Variants in KLF8 observed in about 807,000 individuals in gnomAD.
The protein encoded by KLF8 is KLF transcription factor 8.
Under a neutral mutation model 18.2 loss-of-function variants are expected in KLF8, and 10 were observed. The ratio of observed to expected loss-of-function variants is 0.55; its 90% confidence interval spans 0.34 to 0.93. KLF8 has a LOEUF of 0.93. Among genes scored for constraint, KLF8 ranks in the 40% least tolerant of loss-of-function variants. KLF8 has a pLI of 0.02. For missense variants in KLF8, 264 were observed against 277.9 expected (o/e 0.95, Z 0.36); for synonymous variants, 109 against 97.3 (o/e 1.12, Z -0.71).
chrX:56,198,927 A>G, the KLF8 span, among the ~76,000 whole-genome samples: 4 of 111,771 alleles, frequency 3.6e-5, 1 homozygote, highest in Admixed American at 3.8e-4. Context: ...GGCCTCAGAA[A>G]TAACACCACA....
the KLF8 span, among the ~76,000 whole-genome samples, chrX:56,199,239 G>A: frequency 1.8e-5 from 2 of 111,790 alleles, no homozygotes; most frequent in African/African-American, 3.3e-5. Context: ...ATAGACAAAT[G>A]GGATCTAATT....
the KLF8 span, among the ~76,000 whole-genome samples, chrX:56,085,207 G>A: frequency 2.7e-5 from 3 of 111,251 alleles, no homozygotes; most frequent in African/African-American, 9.8e-5. Flanking sequence ...CTCATCACTA[G>A]ATATGTTAAT....
At chrX:56,018,575 C>A in the KLF8 span, among the ~76,000 whole-genome samples, 5 of 110,859 alleles carry the variant, frequency 4.5e-5, no homozygotes, top group Non-Finnish European at 9.4e-5. Context: ...GCCTAACTCT[C>A]TGAGGGAAAA....
the KLF8 span, among the ~76,000 whole-genome samples, chrX:55,936,741 G>A: frequency 8.9e-6 from 1 of 111,832 alleles, no homozygotes; most frequent in Non-Finnish European, 1.9e-5. Context: ...CCTGCACCTG[G>A]TTCAGAGAGT....
the KLF8 span, among the ~76,000 whole-genome samples, chrX:56,021,341 A>G: frequency 9.0e-6 from 1 of 110,878 alleles, no homozygotes; most frequent in South Asian, 3.8e-4. Context: ...TAATTTATTT[A>G]CTCTTTCTAA....
chrX:56,153,997 C>G, the KLF8 span, among the ~76,000 whole-genome samples: 1 of 111,175 alleles, frequency 9.0e-6, no homozygotes, highest in Non-Finnish European at 1.9e-5. Context: ...TGAAAATGGC[C>G]ATACTGCCCA....
chrX:55,976,414 A>G, the KLF8 span, among the ~76,000 whole-genome samples: 1 of 111,388 alleles, frequency 9.0e-6, no homozygotes, highest in Non-Finnish European at 1.9e-5. Context: ...TGATTCTATG[A>G]GTTTGACTTT....
At chrX:56,011,771 G>A in the KLF8 span, among the ~76,000 whole-genome samples, 1 of 111,693 alleles carries the variant, frequency 9.0e-6, no homozygotes, top group African/African-American at 3.3e-5. Flanking sequence ...TGATAAATGT[G>A]ATATCACTAC....
intron 1 of KLF8, among the ~76,000 whole-genome samples, chrX:56,236,672 A>G (rs1490002125): frequency 9.0e-6 from 1 of 111,178 alleles, no homozygotes; most frequent in Non-Finnish European, 1.9e-5. Context: ...TTCAATTGGT[A>G]ATGCATTCCG....
At chrX:56,152,323 T>C in the KLF8 span, among the ~76,000 whole-genome samples, 2 of 110,600 alleles carry the variant, frequency 1.8e-5, no homozygotes, top group African/African-American at 6.6e-5. Context: ...AGGTAGTCAT[T>C]AGATATTAGA....
At chrX:56,279,211 A>G (rs1250981947) in intron 5 of KLF8, among the ~76,000 whole-genome samples, 1 of 111,262 alleles carries the variant, frequency 9.0e-6, no homozygotes, top group Admixed American at 9.6e-5. Context: ...ATTCTTATGA[A>G]GGTCCTTTTT....
chrX:55,977,324 A>T, the KLF8 span, among the ~76,000 whole-genome samples: 2 of 111,903 alleles, frequency 1.8e-5, no homozygotes, highest in African/African-American at 6.5e-5. Context: ...GAATGTATTC[A>T]TTTCTTCTTT....
At chrX:55,923,972 T>C in the KLF8 span, among the ~76,000 whole-genome samples, 1 of 111,486 alleles carries the variant, frequency 9.0e-6, no homozygotes, top group Non-Finnish European at 1.9e-5. Context: ...GATATTTTCA[T>C]GGCTTACTCC....
the KLF8 span, among the ~76,000 whole-genome samples, chrX:56,114,490 A>G: frequency 3.5e-5 from 4 of 112,844 alleles, no homozygotes; most frequent in African/African-American, 1.3e-4. Flanking sequence ...TTGCAATTAT[A>G]TGACCTCTTG....
chrX:55,933,985 A>T, the KLF8 span, among the ~76,000 whole-genome samples: 12 of 112,294 alleles, frequency 1.1e-4, no homozygotes. Context: ...CAATTATAAG[A>T]TAAATGTTTA....
chrX:56,117,750 A>T, the KLF8 span, among the ~76,000 whole-genome samples: 54 of 112,134 alleles, frequency 4.8e-4, no homozygotes, highest in Non-Finnish European at 9.0e-4. Flanking sequence ...TGTTTAATCT[A>T]ATCCTTGTGT....
chrX:56,171,654 A>T, the KLF8 span, among the ~76,000 whole-genome samples: 408 of 111,672 alleles, frequency 3.7e-3, no homozygotes, highest in Non-Finnish European at 6.5e-3. Context: ...TGGTTTGCTC[A>T]GAATGATGGT....
chrX:55,956,989 C>T, the KLF8 span, among the ~76,000 whole-genome samples: 4 of 111,132 alleles, frequency 3.6e-5, no homozygotes, highest in African/African-American at 1.3e-4. Context: ...TGTCATGAAA[C>T]TTTCCCCCAG....
chrX:56,182,155 C>A, the KLF8 span, among the ~76,000 whole-genome samples: 1 of 111,452 alleles, frequency 9.0e-6, no homozygotes, highest in Non-Finnish European at 1.9e-5. Context: ...AGGCTTTGTT[C>A]ATTTCTTTTT....
Sources: allele counts gnomAD v4.1 joint callset (sites outside exome capture counted in the v4.1 genomes callset), GRCh38; gene constraint gnomAD v4.1.1; transcripts MANE v1.5; gene names NCBI Gene and HGNC (gene_info 2026-07-23, HGNC 2026-07-21).